The following NCK2 variants were observed in gnomAD, a reference collection of about 807,000 sequenced individuals.
NCK2 encodes NCK adaptor protein 2, also known as cytoplasmic protein NCK2.
Under a neutral mutation model 33.9 loss-of-function variants are expected in NCK2, and 16 were observed. The ratio of observed to expected loss-of-function variants is 0.47; its 90% CI spans 0.32 to 0.72. The LOEUF (loss-of-function observed/expected upper bound fraction) is 0.72. Among genes scored for constraint, NCK2 ranks in the 30% least tolerant of loss-of-function variants. NCK2 has a pLI of 0.03. For missense variants in NCK2, 418 were observed against 537.3 expected (o/e 0.78, Z 2.19); for synonymous variants, 273 against 239.9 (o/e 1.14, Z -1.27).
chr2:105,801,628 C>G (rs1248475359), intron 1 of NCK2, among the ~76,000 whole-genome samples: 1 of 151,814 alleles, frequency 6.6e-6, no homozygotes, highest in Non-Finnish European at 1.5e-5. Context: ...CTTGCTGCCT[C>G]CTGCTTGGCT....
intron 4 of NCK2, among the ~76,000 whole-genome samples, chr2:105,890,688 G>A (rs1410175079): frequency 6.6e-6 from 1 of 152,192 alleles, no homozygotes; most frequent in African/African-American, 2.4e-5. Flanking sequence ...ATTCTTTTCT[G>A]TTAACAGCTA....
chr2:105,789,138 G>A (rs936819576), intron 1 of NCK2, among the ~76,000 whole-genome samples: 4 of 152,228 alleles, frequency 2.6e-5, no homozygotes, highest in Non-Finnish European at 4.4e-5. Flanking sequence ...CTCCCATAGC[G>A]GGTGTGAGAG....
intron 1 of NCK2, among the ~76,000 whole-genome samples, chr2:105,793,704 G>C (rs904444590): frequency 2.6e-5 from 4 of 152,218 alleles, no homozygotes; most frequent in African/African-American, 9.7e-5. Flanking sequence ...TTGCTGCTCA[G>C]GCTGCCCCAG....
intron 1 of NCK2, among the ~76,000 whole-genome samples, chr2:105,802,098 A>G (rs1674863413): frequency 6.6e-6 from 1 of 152,222 alleles, no homozygotes; most frequent in Non-Finnish European, 1.5e-5. Flanking sequence ...AAACCTGCTT[A>G]TCAGATTTGC....
chr2:105,856,509 G>A (rs529661357), intron 3 of NCK2, among the ~76,000 whole-genome samples: 1 of 152,318 alleles, frequency 6.6e-6, no homozygotes, highest in Admixed American at 6.5e-5. Flanking sequence ...TGAGGAATAC[G>A]TAGGAAAACT....
At chr2:105,746,383 G>C (rs1689289421) in intron 1 of NCK2, among the ~76,000 whole-genome samples, 1 of 152,162 alleles carries the variant, frequency 6.6e-6, no homozygotes, top group Non-Finnish European at 1.5e-5. Context: ...CCCGCTTCTC[G>C]GAAGGGATTT....
chr2:105,759,555 C>T (rs2104350108), intron 1 of NCK2, among the ~76,000 whole-genome samples: 1 of 152,256 alleles, frequency 6.6e-6, no homozygotes, highest in East Asian at 1.9e-4. Flanking sequence ...AAAGATAATA[C>T]AGAGAATTCT....
At chr2:105,768,512 A>G (rs35168059) in intron 1 of NCK2, among the ~76,000 whole-genome samples, 51,174 of 152,072 alleles carry the variant, frequency 0.34, 9,728 homozygotes, top group East Asian at 0.46. Context: ...ACCTCACTTC[A>G]GGTTCCATAA....
intron 2 of NCK2, among the ~76,000 whole-genome samples, chr2:105,845,143 A>G (rs1300831619): frequency 6.6e-6 from 1 of 152,194 alleles, no homozygotes; most frequent in Non-Finnish European, 1.5e-5. Context: ...ATGCTTAGGA[A>G]TGTGGGCATA....
intron 1 of NCK2, among the ~76,000 whole-genome samples, chr2:105,804,860 G>A (rs770898319): frequency 2.0e-5 from 3 of 152,218 alleles, no homozygotes; most frequent in African/African-American, 7.2e-5. Context: ...TAGGGATTCA[G>A]TGTGTCTTAG....
At chr2:105,800,151 G>A (rs1674770587) in intron 1 of NCK2, among the ~76,000 whole-genome samples, 1 of 152,194 alleles carries the variant, frequency 6.6e-6, no homozygotes, top group Non-Finnish European at 1.5e-5. Context: ...TAGCCTGGCT[G>A]CACCGTATAG....
intron 2 of NCK2, among the ~76,000 whole-genome samples, chr2:105,826,798 A>G (rs547841981): frequency 2.7e-4 from 41 of 152,124 alleles, no homozygotes; most frequent in Non-Finnish European, 5.0e-4. Flanking sequence ...GACATTTTAT[A>G]TATGTGTATA....
chr2:105,843,927 A>G lies in NCK2; in HGVS notation c.-16-11121A>G, dbSNP rs546020643. 1.6e-4 allele frequency among the ~76,000 whole-genome samples: 24 copies of G among 152,286 alleles called. No individual in the cohort carries two copies. In the East Asian group the frequency reaches 4.4e-3, roughly 28 times the overall value. The stretch of plus-strand genomic sequence containing the variant: ...GGGGGCAAGTGTAACTTCAGTGGAG[A>G]ATCCTGACAAACACCGCCTCAGCCA... On this transcript the variant is annotated intron_variant, in intron 2 of 4. Transcript: ENST00000233154.
At chr2:105,865,333 C>T (rs921107309) in intron 3 of NCK2, among the ~76,000 whole-genome samples, 10 of 152,140 alleles carry the variant, frequency 6.6e-5, no homozygotes, top group Non-Finnish European at 1.2e-4. Context: ...AAAACTGATA[C>T]TCAGAAGTTA....
chr2:105,781,949 T>C (rs1291388531), intron 1 of NCK2, among the ~76,000 whole-genome samples: 1 of 152,232 alleles, frequency 6.6e-6, no homozygotes, highest in East Asian at 1.9e-4. Flanking sequence ...TACATACAGC[T>C]GTCAGTTTCT....
At chr2:105,750,018 C>A (rs991343940) in intron 1 of NCK2, among the ~76,000 whole-genome samples, 3 of 111,110 alleles carry the variant, frequency 2.7e-5, no homozygotes, top group African/African-American at 8.8e-5. Flanking sequence ...AGCGTGAGAC[C>A]CTGTCTCAAA....
chr2:105,827,492 AC>A (rs1358821522), intron 2 of NCK2, among the ~76,000 whole-genome samples: 1 of 152,208 alleles, frequency 6.6e-6, no homozygotes, highest in East Asian at 1.9e-4. Flanking sequence ...AACACTCACC[AC>A]CATCAATTAA....
intron 1 of NCK2, among the ~76,000 whole-genome samples, chr2:105,749,865 A>T (rs1399030124): frequency 6.6e-6 from 1 of 152,056 alleles, no homozygotes; most frequent in Non-Finnish European, 1.5e-5. Flanking sequence ...CAGCTGCCTT[A>T]AGAGAATAAC....
At chr2:105,787,863 A>C (rs1690734649) in intron 1 of NCK2, among the ~76,000 whole-genome samples, 2 of 152,218 alleles carry the variant, frequency 1.3e-5, no homozygotes, top group Admixed American at 1.3e-4. Context: ...CCATGTTATA[A>C]GATGATCTCA....
Sources: gnomAD v4.1 joint callset for allele counts (sites outside exome capture counted in the v4.1 genomes callset) on GRCh38, gnomAD v4.1.1 for gene constraint, MANE v1.5 for transcripts, NCBI Gene and HGNC (gene_info 2026-07-23, HGNC 2026-07-21) for gene names.